The following STXBP5L variants were observed in gnomAD, a reference collection of about 807,000 sequenced individuals.
STXBP5L encodes syntaxin-binding protein 5-like.
A neutral mutation model predicts 144.5 loss-of-function variants in STXBP5L; 65 were observed. The ratio of observed to expected loss-of-function variants is 0.45; its 90% CI spans 0.37 to 0.55. The LOEUF (loss-of-function observed/expected upper bound fraction) is 0.55, where lower values mean the gene tolerates loss of function less well. Ranked by LOEUF, STXBP5L falls within the 20% of genes least tolerant of loss-of-function variation. STXBP5L has a pLI of 0.00. For missense variants in STXBP5L, 1,298 were observed against 1,405.5 expected, an observed-to-expected ratio of 0.92 and a Z score of 1.22; for synonymous variants, 505 against 469.6, an observed-to-expected ratio of 1.08 and a Z score of -0.97.
intron 19 of STXBP5L, among the ~76,000 whole-genome samples, chr3:121,315,515 G>A (rs1038800825): frequency 1.7e-4 from 25 of 151,078 alleles, no homozygotes; most frequent in Admixed American, 5.9e-4. Flanking sequence ...GATAGCATTA[G>A]GAGATATACC....
chr3:120,975,067 C>G (rs1473366581), intron 3 of STXBP5L, among the ~76,000 whole-genome samples: 2 of 152,050 alleles, frequency 1.3e-5, no homozygotes, highest in Non-Finnish European at 1.5e-5. Context: ...TAGTTTTTTC[C>G]AATTCTGTGA....
chr3:121,010,795 A>G (rs1944717207), intron 3 of STXBP5L, among the ~76,000 whole-genome samples: 1 of 151,856 alleles, frequency 6.6e-6, no homozygotes, highest in Non-Finnish European at 1.5e-5. Flanking sequence ...AAATATATTT[A>G]TTCATTTAGT....
At chr3:121,073,164 A>G (rs999059441) in intron 5 of STXBP5L, among the ~76,000 whole-genome samples, 2 of 152,062 alleles carry the variant, frequency 1.3e-5, no homozygotes, top group Non-Finnish European at 2.9e-5. Flanking sequence ...GGCTTGATAA[A>G]ACCTCATCCA....
At chr3:120,995,382 A>G (rs1188010391) in intron 3 of STXBP5L, among the ~76,000 whole-genome samples, 1 of 152,142 alleles carries the variant, frequency 6.6e-6, no homozygotes, top group African/African-American at 2.4e-5. Flanking sequence ...TCCTGGGCTC[A>G]AGTGATCCTT....
chr3:120,980,655 T>C (rs756459268), intron 3 of STXBP5L, among the ~76,000 whole-genome samples: 3 of 152,190 alleles, frequency 2.0e-5, no homozygotes, highest in Non-Finnish European at 4.4e-5. Flanking sequence ...TTAAAATTCA[T>C]TCTGCCAATC....
chr3:121,177,163 A>G (rs2046968627), intron 9 of STXBP5L, among the ~76,000 whole-genome samples: 1 of 152,100 alleles, frequency 6.6e-6, no homozygotes, highest in South Asian at 2.1e-4. Flanking sequence ...ATTAAATATA[A>G]CAACGAACAA....
intron 7 of STXBP5L, among the ~76,000 whole-genome samples, chr3:121,125,105 A>G (rs1381672664): frequency 1.3e-5 from 2 of 152,170 alleles, no homozygotes; most frequent in East Asian, 3.8e-4. Context: ...GGAAGGGGAA[A>G]GCTTCCCTTG....
At chr3:121,137,745 A>C (rs1236930499) in intron 7 of STXBP5L, among the ~76,000 whole-genome samples, 1 of 152,134 alleles carries the variant, frequency 6.6e-6, no homozygotes, top group African/African-American at 2.4e-5. Context: ...TTATGATATA[A>C]ATTTTCAGTA....
chr3:121,050,742 T>A (rs1364398299), intron 5 of STXBP5L, among the ~76,000 whole-genome samples: 1 of 152,112 alleles, frequency 6.6e-6, no homozygotes, highest in Non-Finnish European at 1.5e-5. Context: ...CAATATTAAC[T>A]TTCAATATAA....
chr3:121,364,016 G>A (rs894003567), intron 20 of STXBP5L, among the ~76,000 whole-genome samples: 2 of 152,094 alleles, frequency 1.3e-5, no homozygotes, highest in Non-Finnish European at 2.9e-5. Flanking sequence ...AGTGTCATTT[G>A]AGGTACACAG....
chr3:121,304,250 T>C (rs1355018529), intron 19 of STXBP5L, among the ~76,000 whole-genome samples: 1 of 152,072 alleles, frequency 6.6e-6, no homozygotes, highest in Non-Finnish European at 1.5e-5. Context: ...GCAAAAACTG[T>C]CAAAACTAGA....
chr3:121,152,659 A>C (rs534102136), intron 8 of STXBP5L, 99 bp downstream of exon 8: 2 of 809,554 alleles, frequency 2.5e-6, no homozygotes, highest in African/African-American at 1.8e-5. Flanking sequence ...TAGCCTTGGA[A>C]AGTTGCCTGA....
rs140972730 is a variant in STXBP5L, at chr3:121,401,925, A to T, written c.2588-5318A>T. On this transcript the variant is annotated intron_variant, in intron 22 of 26. Coordinates refer to ENST00000471454, the MANE Select transcript of STXBP5L (RefSeq NM_001308330.2). ...AAAAAAAAAAAGGAATTAGATTTACAGTGACAAAGAGAATGGTGGAGGACA... is the reference window on the plus strand; with the variant it reads ...AAAAAAAAAAAGGAATTAGATTTACTGTGACAAAGAGAATGGTGGAGGACA... 9.2e-5 allele frequency among the ~76,000 whole-genome samples: 14 copies of T among 151,542 alleles called. No homozygotes were observed. The East Asian group carries it at 2.7e-3, about 29-fold the overall frequency.
intron 20 of STXBP5L, among the ~76,000 whole-genome samples, chr3:121,335,031 T>A (rs1299186339): frequency 6.6e-6 from 1 of 152,164 alleles, no homozygotes; most frequent in East Asian, 1.9e-4. Flanking sequence ...TGTTTGCAGA[T>A]GACATGATTT....
chr3:121,188,816 A>C (rs151180615), intron 9 of STXBP5L, among the ~76,000 whole-genome samples: 17 of 152,188 alleles, frequency 1.1e-4, no homozygotes, highest in African/African-American at 3.9e-4. Context: ...TCTCCAAATA[A>C]TAAGAGCTAT....
rs530851244 is a variant in STXBP5L, at chr3:121,335,398, T to C, written c.2176+16858T>C. On this transcript the variant is annotated intron_variant, in intron 20 of 26. Transcript: ENST00000471454. Reference sequence around the variant, plus strand: ...ATATTGCCTGAAGCAATTTAGAGATTCATTACTGTCAAACTACCAATGACA... The same window carrying C: ...ATATTGCCTGAAGCAATTTAGAGATCCATTACTGTCAAACTACCAATGACA... 4.6e-5 allele frequency among the ~76,000 whole-genome samples: 7 copies of C among 152,038 alleles called. No individual in the cohort carries two copies. In the South Asian group the frequency reaches 1.5e-3, roughly 32 times the overall value.
intron 20 of STXBP5L, chr3:121,357,707 C>G (rs533025112): frequency 6.6e-6 from 1 of 152,294 alleles, no homozygotes; most frequent in African/African-American, 2.4e-5. Context: ...ATTGTTGTAG[C>G]CACTGGCCAA....
At chr3:121,177,400 C>T (rs991654192) in intron 9 of STXBP5L, among the ~76,000 whole-genome samples, 1 of 152,014 alleles carries the variant, frequency 6.6e-6, no homozygotes, top group African/African-American at 2.4e-5. Context: ...AGAATTCCTA[C>T]AACTCAACAA....
Position 121,421,040 on chromosome 3 carries a change from T to C in STXBP5L, c.*1943T>C, listed in dbSNP as rs905578385. 1 of 152,094 alleles carries C rather than the reference T, an allele frequency of 6.6e-6. No homozygotes were observed. Among genetic ancestry groups the C allele is most frequent in the African/African-American group, 2.4e-5 (1 of 41,434 alleles). The allele number at this position is 152,094 out of a possible 1,614,324, so 9.4% of individuals were successfully genotyped here. On this transcript the variant is annotated 3_prime_UTR_variant, in exon 27 of 27. Transcript: ENST00000471454. ...CTTGGAAACACAGACATTACATGAC[T>C]GTATAATTTATAGAATTATAAAATT...
Sources: gnomAD v4.1 joint callset for allele counts (sites outside exome capture counted in the v4.1 genomes callset) on GRCh38, gnomAD v4.1.1 for gene constraint, MANE v1.5 for transcripts, NCBI Gene and HGNC (gene_info 2026-07-23, HGNC 2026-07-21) for gene names.